The following ADGRV1 variants were observed in gnomAD, a reference collection of about 807,000 sequenced individuals.
ADGRV1 encodes the protein G-protein coupled receptor 98.
ADGRV1 carries 359 observed loss-of-function variants against 596.2 expected under a neutral mutation model. That is an observed-to-expected ratio of 0.60 (90% CI 0.55 to 0.66). ADGRV1 has a LOEUF of 0.66. Among genes scored for constraint, ADGRV1 ranks in the 30% least tolerant of loss-of-function variants. The pLI is 0.00. For synonymous variants in ADGRV1, 2,681 were observed against 2,679.2 expected (o/e 1.00, Z -0.02); for missense variants, 7,274 against 7,575.6 (o/e 0.96, Z 1.48).
chr5:90,751,855 G>A (rs1352559944), intron 53 of ADGRV1, among the ~76,000 whole-genome samples: 1 of 152,046 alleles, frequency 6.6e-6, no homozygotes, highest in Non-Finnish European at 1.5e-5. Flanking sequence ...TTTACTTTAG[G>A]TAAGCTACCA....
rs1204504085 is a variant in ADGRV1, at chr5:91,060,392, ATATATATT to A, written c.18153-12053_18153-12046del. On this transcript the variant is annotated intron_variant, in intron 85 of 89. Transcript: ENST00000405460. ...TATGTGTGTGTGTATATATATATAT[ATATATATT>A]TTTTTTTTTAATAGAGACGAGGTTT... Among the ~76,000 whole-genome samples the A allele has an allele frequency of 6.5e-4, 13 of 19,882 alleles. 1 individual carries two copies. Among genetic ancestry groups the A allele is most frequent in the Non-Finnish European group, 1.2e-3 (9 of 7,470 alleles). 13.0% of individuals were successfully genotyped at this position (19,882 alleles called of 152,430 possible). A position where few individuals can be genotyped will look rare whatever the true frequency, so the allele number is the denominator to read the frequency against.
chr5:91,119,259 T>G (rs979799177), intron 87 of ADGRV1, among the ~76,000 whole-genome samples: 2 of 152,228 alleles, frequency 1.3e-5, no homozygotes, highest in African/African-American at 4.8e-5. Context: ...CCAGTGCACA[T>G]TCCTAGTGGC....
intron 85 of ADGRV1, among the ~76,000 whole-genome samples, chr5:91,046,316 A>G (rs1273626313): frequency 6.6e-6 from 1 of 152,216 alleles, no homozygotes; most frequent in Non-Finnish European, 1.5e-5. Context: ...GTATAAAAAT[A>G]GGCACATAGA....
At chr5:90,797,449 C>A (rs374504709) in intron 70 of ADGRV1, among the ~76,000 whole-genome samples, 2 of 152,076 alleles carry the variant, frequency 1.3e-5, no homozygotes, top group African/African-American at 4.8e-5. Context: ...TATATGCACT[C>A]AATACAGGAG....
chr5:90,753,923 A>G (rs1448484216), intron 54 of ADGRV1, 94 bp downstream of exon 54: 3 of 1,281,646 alleles, frequency 2.3e-6, no homozygotes, highest in Admixed American at 2.9e-5. Context: ...TTCTCTTTTT[A>G]TATGACTTTT....
intron 85 of ADGRV1, among the ~76,000 whole-genome samples, chr5:91,000,668 CTG>C (rs6149110): frequency 0.032 from 4,448 of 141,144 alleles, 76 homozygotes; most frequent in East Asian, 0.043. Context: ...CTTACAGGAT[CTG>C]TGTGTGTGTG....
chr5:91,150,094 G>A lies in ADGRV1; in HGVS notation c.18497G>A (p.Ser6166Asn). Reference sequence around the variant, plus strand: ...CAAATGTGTTGCCCTATGAAGGCCAGTTACACTGTGGAAATGAATGGGCAT... The same window carrying A: ...CAAATGTGTTGCCCTATGAAGGCCAATTACACTGTGGAAATGAATGGGCAT... The part of the protein sequence containing the change: ...HNQMCCPMKA[S>N]YTVEMNGHPG... Residue 6166 changes from serine to asparagine, a missense_variant, in exon 88 of 90, where the codon AGT (serine) becomes AAT (asparagine). Physicochemically the swap from Ser to Asn is conservative, Grantham distance 46. Around this residue, in one of 5 missense-constraint regions of ADGRV1, gnomAD observed 1,874 missense variants for 1,970.2 expected, o/e 0.95. Coordinates refer to ENST00000405460, the MANE Select transcript of ADGRV1 (RefSeq NM_032119.4). 1.3e-6 allele frequency: 2 copies of A among 1,565,726 alleles called. No individual in the cohort carries two copies. The highest frequency in any genetic ancestry group is 1.7e-6 in the Non-Finnish European group (2 of 1,155,574).
intron 84 of ADGRV1, among the ~76,000 whole-genome samples, chr5:90,983,525 G>T (rs970592377): frequency 2.0e-5 from 3 of 151,968 alleles, no homozygotes; most frequent in African/African-American, 7.3e-5. Context: ...TAGTACTTTT[G>T]TTTAGAAGAT....
At chr5:90,655,957 TTTC>T (rs1416328931) in intron 20 of ADGRV1, 1 of 152,204 alleles carries the variant, frequency 6.6e-6, no homozygotes, top group Non-Finnish European at 1.5e-5. Flanking sequence ...TTTCACAATT[TTTC>T]TTCTTTATTG....
At chr5:90,675,659 G>A (rs1157714554) in intron 24 of ADGRV1, among the ~76,000 whole-genome samples, 1 of 152,074 alleles carries the variant, frequency 6.6e-6, no homozygotes, top group Non-Finnish European at 1.5e-5. Context: ...CAGATTAGCT[G>A]GGTGTGGTGG....
chr5:90,625,278 AT>A, intron 6 of ADGRV1, 35 bp downstream of exon 6: 1 of 1,340,964 alleles, frequency 7.5e-7, no homozygotes, highest in Non-Finnish European at 1.1e-6. Context: ...TGGGACAAGG[AT>A]TCTGTGTTGC....
At chr5:90,719,977 G>A in intron 43 of ADGRV1, 71 bp from the exon 44 acceptor site, 1 of 1,183,772 alleles carries the variant, frequency 8.4e-7, no homozygotes, top group Non-Finnish European at 1.2e-6. Flanking sequence ...GAAATGTTCA[G>A]TAGATTTCGC....
At chr5:91,137,520 A>G (rs538759676) in intron 87 of ADGRV1, among the ~76,000 whole-genome samples, 2 of 152,298 alleles carry the variant, frequency 1.3e-5, no homozygotes, top group African/African-American at 4.8e-5. Context: ...TATATTTTAC[A>G]TCCTTTTATG....
At chr5:90,905,238 A>G (rs1479556138) in intron 83 of ADGRV1, among the ~76,000 whole-genome samples, 3 of 152,002 alleles carry the variant, frequency 2.0e-5, no homozygotes, top group African/African-American at 7.2e-5. Flanking sequence ...CTGGCTCCAT[A>G]TAAAGTTTAG....
intron 72 of ADGRV1, among the ~76,000 whole-genome samples, chr5:90,806,228 A>G (rs1460627410): frequency 6.6e-6 from 1 of 152,180 alleles, no homozygotes; most frequent in African/African-American, 2.4e-5. Context: ...GAAAATGACA[A>G]CATTTTCATG....
intron 34 of ADGRV1, among the ~76,000 whole-genome samples, chr5:90,697,390 T>C (rs1224967143): frequency 6.6e-6 from 1 of 152,168 alleles, no homozygotes; most frequent in African/African-American, 2.4e-5. Context: ...TTAAGGAAGT[T>C]AAACCTGAAA....
intron 87 of ADGRV1, among the ~76,000 whole-genome samples, chr5:91,144,017 G>A (rs1363313255): frequency 6.6e-6 from 1 of 152,194 alleles, no homozygotes; most frequent in Non-Finnish European, 1.5e-5. Context: ...TTTGCTGTGA[G>A]ATTGGAGCAG....
intron 85 of ADGRV1, among the ~76,000 whole-genome samples, chr5:90,996,630 G>T (rs150567900): frequency 2.0e-5 from 3 of 152,322 alleles, no homozygotes; most frequent in Middle Eastern, 3.4e-3. Context: ...TAGTGGAGCT[G>T]TGAGGAGAGG....
chr5:90,840,962 G>A lies in ADGRV1; in HGVS notation c.16996G>A (p.Ala5666Thr), dbSNP rs781625403. ...AGAAAACACAGATGAACAACTCAGT[G>A]CCATGATGCATTTAATAGAAAAGGT... ...ATENTDEQLSAMMHLIEKITT... is the reference protein window; with the variant it reads ...ATENTDEQLSTMMHLIEKITT... The change falls in exon 78 of 90, where the codon GCC (alanine) becomes ACC (threonine). Residue 5666 changes from alanine to threonine, a missense_variant. Transcript: ENST00000405460. 2.1e-6 allele frequency: 3 copies of A among 1,415,562 alleles called. No individual in the cohort carries two copies. The Admixed American group carries it at 7.5e-5, about 36-fold the overall frequency. The allele number at this position is 1,415,562 out of a possible 1,614,324, so 87.7% of individuals were successfully genotyped here.
Sources: gnomAD v4.1 joint callset for allele counts (sites outside exome capture counted in the v4.1 genomes callset) on GRCh38, gnomAD v4.1.1 for gene constraint, gnomAD v4.1.1 regional missense constraint, MANE v1.5 for transcripts, NCBI Gene and HGNC (gene_info 2026-07-23, HGNC 2026-07-21) for gene names.